LSAMP: variants seen among roughly 807,000 people sequenced by gnomAD.
LSAMP encodes the protein limbic system associated membrane protein.
LSAMP carries 7 observed loss-of-function variants against 38.6 expected under a neutral mutation model. The observed-to-expected ratio is 0.18, with a 90% CI of 0.10 to 0.34. The LOEUF (loss-of-function observed/expected upper bound fraction) is 0.34, where lower values mean the gene tolerates loss of function less well. Among genes scored for constraint, LSAMP ranks in the 10% least tolerant of loss-of-function variants. The pLI, the probability that LSAMP is intolerant of heterozygous loss-of-function variation, is 1.00. For missense variants in LSAMP, 313 were observed against 420.0 expected (o/e 0.75, Z 2.23); for synonymous variants, 154 against 166.8 (o/e 0.92, Z 0.59).
rs73858539 is a variant in LSAMP, at chr3:116,113,277, G to A, written c.156-26721C>T. ...GAATGTTTGTATTTGGCCATGTTAA[G>A]TCATTCTCTCTCTTTATCCCAAGTC... is the stretch of plus-strand genomic sequence containing the variant. On this transcript the variant is annotated intron_variant, in intron 1 of 6. Transcript: ENST00000490035. Among the ~76,000 whole-genome samples the A allele has an allele frequency of 3.2e-3, 480 of 147,854 alleles. 3 individuals carry two copies. Among genetic ancestry groups the A allele is most frequent in the African/African-American group, 0.012 (448 of 37,856 alleles).
intron 1 of LSAMP, among the ~76,000 whole-genome samples, chr3:116,151,091 T>C (rs1410405739): frequency 1.3e-5 from 2 of 151,996 alleles, no homozygotes; most frequent in African/African-American, 4.8e-5. Context: ...CCACAGCCCA[T>C]TTTAAACCCT....
intron 3 of LSAMP, among the ~76,000 whole-genome samples, chr3:115,880,802 C>T (rs1050060433): frequency 6.6e-6 from 1 of 151,886 alleles, no homozygotes; most frequent in African/African-American, 2.4e-5. Flanking sequence ...GAGGCTGAGG[C>T]GGGAAGATCA....
At chr3:116,313,441 G>A (rs1446371125) in intron 1 of LSAMP, among the ~76,000 whole-genome samples, 1 of 152,194 alleles carries the variant, frequency 6.6e-6, no homozygotes, top group African/African-American at 2.4e-5. Context: ...GGTCACTGAA[G>A]GGCAGCTGCA....
chr3:116,314,262 T>A (rs1382072153), intron 1 of LSAMP, among the ~76,000 whole-genome samples: 1 of 152,206 alleles, frequency 6.6e-6, no homozygotes, highest in African/African-American at 2.4e-5. Context: ...TCTCTATACA[T>A]CAGATCGCTA....
chr3:116,054,839 A>C (rs1161636231), intron 2 of LSAMP, among the ~76,000 whole-genome samples: 2 of 152,166 alleles, frequency 1.3e-5, no homozygotes, highest in Non-Finnish European at 2.9e-5. Context: ...TGCAAGATTG[A>C]AGAACAAAAG....
intron 3 of LSAMP, among the ~76,000 whole-genome samples, chr3:115,935,467 T>C (rs1422076521): frequency 1.3e-5 from 2 of 152,214 alleles, no homozygotes; most frequent in Non-Finnish European, 2.9e-5. Flanking sequence ...GCCTGAGTGC[T>C]GTGCTTCACA....
chr3:115,888,616 C>T (rs1936516279), intron 3 of LSAMP, among the ~76,000 whole-genome samples: 1 of 151,930 alleles, frequency 6.6e-6, no homozygotes, highest in Non-Finnish European at 1.5e-5. Flanking sequence ...ATGTTTGGTC[C>T]ACTGTTTTCT....
intron 1 of LSAMP, among the ~76,000 whole-genome samples, chr3:116,249,314 T>A (rs779344611): frequency 6.6e-6 from 1 of 152,114 alleles, no homozygotes; most frequent in African/African-American, 2.4e-5. Context: ...CATGCCAAGA[T>A]GACAAGACAA....
chr3:116,155,330 T>G (rs901329058), intron 1 of LSAMP, among the ~76,000 whole-genome samples: 8 of 152,084 alleles, frequency 5.3e-5, no homozygotes, highest in African/African-American at 1.9e-4. Flanking sequence ...GTTCAAGTAA[T>G]TCTTCTGCCT....
At chr3:115,998,379 G>A (rs1408623489) in intron 3 of LSAMP, among the ~76,000 whole-genome samples, 2 of 152,124 alleles carry the variant, frequency 1.3e-5, no homozygotes, top group East Asian at 1.9e-4. Context: ...ATACCAGTGG[G>A]TGGATTGCTG....
chr3:116,058,368 C>T (rs951476748), intron 2 of LSAMP, among the ~76,000 whole-genome samples: 4 of 151,824 alleles, frequency 2.6e-5, no homozygotes, highest in African/African-American at 4.8e-5. Flanking sequence ...AGATATCCAA[C>T]CTGTTTTCTA....
intron 2 of LSAMP, among the ~76,000 whole-genome samples, chr3:116,077,048 TTAATA>T (rs1240153859): frequency 2.6e-5 from 4 of 151,840 alleles, no homozygotes; most frequent in Non-Finnish European, 5.9e-5. Flanking sequence ...TTAATACAAA[TTAATA>T]TATTTGTTAG....
intron 1 of LSAMP, among the ~76,000 whole-genome samples, chr3:116,395,061 T>A (rs2048751075): frequency 6.6e-6 from 1 of 152,214 alleles, no homozygotes. Context: ...TTCCTCTCTA[T>A]TTTTCATTTC....
chr3:116,283,768 C>T (rs2047159006), intron 1 of LSAMP, among the ~76,000 whole-genome samples: 3 of 152,244 alleles, frequency 2.0e-5, no homozygotes, highest in Non-Finnish European at 4.4e-5. Flanking sequence ...CTCCTCAGTC[C>T]TCCTTAGTTT....
chr3:116,359,492 T>C (rs1280245298), intron 1 of LSAMP, among the ~76,000 whole-genome samples: 6 of 152,374 alleles, frequency 3.9e-5, no homozygotes, highest in Admixed American at 3.9e-4. Flanking sequence ...TTGCATAGCC[T>C]ATGCATTAAG....
chr3:116,019,930 C>T (rs1465072141), intron 2 of LSAMP, among the ~76,000 whole-genome samples: 1 of 151,918 alleles, frequency 6.6e-6, no homozygotes, highest in Non-Finnish European at 1.5e-5. Context: ...CTAGAATGGA[C>T]CTTATTTAGA....
At chr3:116,010,582 G>GGCTA (rs1363215487) in intron 3 of LSAMP, among the ~76,000 whole-genome samples, 1 of 152,122 alleles carries the variant, frequency 6.6e-6, no homozygotes. Context: ...ACTATGAAAG[G>GGCTA]GCTAGCTACA....
At position 115,978,955 on chromosome 3, in the gene LSAMP, A is replaced by C. The variant is rs751126956; in HGVS notation, c.514+40560T>G. 5.4e-4 allele frequency among the ~76,000 whole-genome samples: 82 copies of C among 152,184 alleles called. 1 individual carries two copies. Among genetic ancestry groups the C allele is most frequent in the Non-Finnish European group, 2.4e-4 (16 of 68,024 alleles). ...AGTCAACTTTCTTGAGAAATTTGGC[A>C]CTAAAGGAATAAGAAATTTATTTAT... On this transcript the variant is annotated intron_variant, in intron 3 of 6. Transcript: ENST00000490035.
chr3:115,896,054 T>TG (rs375252495), intron 3 of LSAMP, among the ~76,000 whole-genome samples: 1 of 152,144 alleles, frequency 6.6e-6, no homozygotes, highest in African/African-American at 2.4e-5. Flanking sequence ...CCTATGCTTG[T>TG]GTGAGCTTTA....
Sources: allele counts gnomAD v4.1 joint callset (sites outside exome capture counted in the v4.1 genomes callset), GRCh38; gene constraint gnomAD v4.1.1; transcripts MANE v1.5; gene names NCBI Gene and HGNC (gene_info 2026-07-23, HGNC 2026-07-21).